Variants in FNIP1 observed in about 807,000 individuals in gnomAD.
FNIP1 encodes folliculin-interacting protein 1.
FNIP1 carries 40 observed loss-of-function variants against 124.5 expected under a neutral mutation model. The ratio of observed to expected loss-of-function variants is 0.32; its 90% CI spans 0.25 to 0.42. The LOEUF is 0.42. Among genes scored for constraint, FNIP1 ranks in the 10% least tolerant of loss-of-function variants. The pLI is 1.00. For missense variants in FNIP1, 1,176 were observed against 1,403.7 expected (o/e 0.84, Z 2.59); for synonymous variants, 472 against 470.6 (o/e 1.00, Z -0.04).
chr5:131,737,467 G>C (rs1770351498), intron 2 of FNIP1, among the ~76,000 whole-genome samples: 1 of 152,108 alleles, frequency 6.6e-6, no homozygotes, highest in Admixed American at 6.5e-5. Context: ...CCTCAGCCTG[G>C]AATGTCTTTC....
chr5:131,665,288 T>G (rs1331709410), intron 15 of FNIP1, among the ~76,000 whole-genome samples: 1 of 152,092 alleles, frequency 6.6e-6, no homozygotes, highest in East Asian at 1.9e-4. Context: ...TGGAGGAAGT[T>G]TCTGTATAAG....
intron 1 of FNIP1, among the ~76,000 whole-genome samples, chr5:131,761,023 A>G (rs2149571874): frequency 6.6e-6 from 1 of 152,314 alleles, no homozygotes; most frequent in East Asian, 1.9e-4. Context: ...AGAAACCAAA[A>G]GCACCACAGC....
chr5:131,790,312 C>G (rs1772363144), intron 1 of FNIP1, among the ~76,000 whole-genome samples: 1 of 151,846 alleles, frequency 6.6e-6, no homozygotes, highest in African/African-American at 2.4e-5. Flanking sequence ...AACCCCGTGT[C>G]TACAAAAAAT....
intron 1 of FNIP1, among the ~76,000 whole-genome samples, chr5:131,787,085 C>T (rs190087170): frequency 6.6e-6 from 1 of 152,318 alleles, no homozygotes; most frequent in African/African-American, 2.4e-5. Context: ...TCACTACTAG[C>T]TCCAGATGTA....
intron 13 of FNIP1, among the ~76,000 whole-genome samples, chr5:131,676,515 T>C (rs1375755983): frequency 1.3e-5 from 2 of 152,086 alleles, no homozygotes; most frequent in Non-Finnish European, 2.9e-5. Flanking sequence ...CCCAGCACCT[T>C]GGGAGGCCAA....
intron 1 of FNIP1, among the ~76,000 whole-genome samples, chr5:131,755,471 G>A (rs147860623): frequency 6.6e-6 from 1 of 151,728 alleles, no homozygotes; most frequent in African/African-American, 2.4e-5. Flanking sequence ...AATGGTCTGA[G>A]GAGAATGGCT....
intron 11 of FNIP1, among the ~76,000 whole-genome samples, chr5:131,686,550 T>C (rs1768277796): frequency 6.6e-6 from 1 of 152,210 alleles, no homozygotes; most frequent in African/African-American, 2.4e-5. Flanking sequence ...AGGTCTTTTA[T>C]TGATTTTAAA....
chr5:131,748,301 A>G (rs1056909467), intron 1 of FNIP1, among the ~76,000 whole-genome samples: 17 of 152,190 alleles, frequency 1.1e-4, no homozygotes, highest in African/African-American at 3.9e-4. Context: ...TATTACGCAC[A>G]TGTCTGTGGT....
chr5:131,779,811 G>T (rs1211816039), intron 1 of FNIP1, among the ~76,000 whole-genome samples: 3 of 151,712 alleles, frequency 2.0e-5, no homozygotes, highest in Non-Finnish European at 4.4e-5. Flanking sequence ...GGGGAAAAAT[G>T]AAACAAAAAA....
chr5:131,796,484 C>G (rs1005558999), intron 1 of FNIP1: 3 of 301,814 alleles, frequency 9.9e-6, no homozygotes, highest in Non-Finnish European at 1.9e-5. Flanking sequence ...CAATCCAGCC[C>G]GCGCCCAACT....
chr5:131,739,135 C>G (rs1770420388), intron 2 of FNIP1, among the ~76,000 whole-genome samples: 1 of 152,104 alleles, frequency 6.6e-6, no homozygotes, highest in African/African-American at 2.4e-5. Flanking sequence ...CTTTTCCACT[C>G]CACAGATATA....
chr5:131,741,310 G>A (rs898403098), intron 2 of FNIP1, among the ~76,000 whole-genome samples: 1 of 152,096 alleles, frequency 6.6e-6, no homozygotes, highest in Non-Finnish European at 1.5e-5. Context: ...CTGAAAAAAT[G>A]AGTTCTGAGG....
At chr5:131,674,887 T>C (rs182581396) in intron 13 of FNIP1, among the ~76,000 whole-genome samples, 11 of 152,284 alleles carry the variant, frequency 7.2e-5, no homozygotes, top group Middle Eastern at 3.4e-3. Context: ...AAGCTATAGA[T>C]ACTATTATGA....
intron 10 of FNIP1, among the ~76,000 whole-genome samples, chr5:131,701,470 G>A (rs192967122): frequency 5.3e-5 from 8 of 152,276 alleles, no homozygotes; most frequent in Admixed American, 3.3e-4. Flanking sequence ...ACTTTGGCTA[G>A]ACTACAAAAT....
intron 6 of FNIP1, among the ~76,000 whole-genome samples, chr5:131,715,271 C>T (rs757128217): frequency 1.3e-5 from 2 of 152,058 alleles, no homozygotes; most frequent in African/African-American, 2.4e-5. Flanking sequence ...GGATCACCTG[C>T]GGTCAGGAGT....
chr5:131,749,483 C>A (rs1001232302), intron 1 of FNIP1, among the ~76,000 whole-genome samples: 1 of 151,038 alleles, frequency 6.6e-6, no homozygotes, highest in African/African-American at 2.4e-5. Flanking sequence ...ACCTCCGCTT[C>A]CGGGTTCAAG....
chr5:131,756,171 G>A (rs1446553581), intron 1 of FNIP1, among the ~76,000 whole-genome samples: 3 of 152,086 alleles, frequency 2.0e-5, no homozygotes, highest in Non-Finnish European at 2.9e-5. Context: ...AGGCAGTGGG[G>A]AAGGAATAAC....
rs1054597311 is a variant in FNIP1, at chr5:131,676,412, G to C, written c.1519+1291C>G. On this transcript the variant is annotated intron_variant, in intron 13 of 17. Coordinates refer to ENST00000510461, the MANE Select transcript of FNIP1 (RefSeq NM_133372.3). ...AATCCACCCACCTCAGCCTCCCAAA[G>C]TGCCAGGATTACAGGCATGAGCCAC... 2.0e-5 allele frequency among the ~76,000 whole-genome samples: 3 copies of C among 151,966 alleles called. No individual in the cohort carries two copies. The South Asian group carries it at 6.2e-4, about 32-fold the overall frequency.
chr5:131,744,234 G>A (rs944022888), intron 2 of FNIP1, among the ~76,000 whole-genome samples: 3 of 150,776 alleles, frequency 2.0e-5, no homozygotes, highest in Non-Finnish European at 4.4e-5. Context: ...AAAAATAATC[G>A]AGATAATTAA....
Sources: gnomAD v4.1 joint callset for allele counts (sites outside exome capture counted in the v4.1 genomes callset) on GRCh38, gnomAD v4.1.1 for gene constraint, MANE v1.5 for transcripts, NCBI Gene and HGNC (gene_info 2026-07-23, HGNC 2026-07-21) for gene names.